Variants in SPTLC2 observed in about 807,000 individuals in gnomAD.
SPTLC2 encodes serine palmitoyltransferase long chain base subunit 2.
Under a neutral mutation model 62.0 loss-of-function variants are expected in SPTLC2, and 21 were observed. That is an observed-to-expected ratio of 0.34 (90% CI 0.24 to 0.49). The LOEUF (loss-of-function observed/expected upper bound fraction) is 0.49. SPTLC2 is among the 20% of genes least tolerant of loss of function. The pLI, the probability that SPTLC2 is intolerant of heterozygous loss-of-function variation, is 0.99. For missense variants in SPTLC2, 511 were observed against 713.0 expected (o/e 0.72, Z 3.23); for synonymous variants, 261 against 261.8 (o/e 1.00, Z 0.03).
intron 1 of SPTLC2, among the ~76,000 whole-genome samples, chr14:77,611,056 G>A (rs886722647): frequency 6.8e-6 from 1 of 146,962 alleles, no homozygotes; most frequent in Non-Finnish European, 1.5e-5. Flanking sequence ...CACTTTGGGA[G>A]ACTGAGGCAG....
intron 9 of SPTLC2, among the ~76,000 whole-genome samples, chr14:77,526,413 A>G (rs1216818046): frequency 6.6e-6 from 1 of 152,250 alleles, no homozygotes; most frequent in Admixed American, 6.5e-5. Flanking sequence ...ATGGAAATAT[A>G]AAGAGGTCAG....
chr14:77,606,520 T>C (rs1427019192), intron 1 of SPTLC2, among the ~76,000 whole-genome samples: 1 of 152,076 alleles, frequency 6.6e-6, no homozygotes, highest in East Asian at 1.9e-4. Flanking sequence ...AAGTGGAGAT[T>C]TCTCATGTTC....
At chr14:77,566,327 C>G (rs1231761636) in intron 5 of SPTLC2, among the ~76,000 whole-genome samples, 1 of 152,138 alleles carries the variant, frequency 6.6e-6, no homozygotes, top group East Asian at 1.9e-4. Context: ...CTTAATGTTT[C>G]AGGTATCATG....
intron 2 of SPTLC2, among the ~76,000 whole-genome samples, chr14:77,596,100 G>A (rs1197871544): frequency 6.6e-6 from 1 of 152,150 alleles, no homozygotes; most frequent in African/African-American, 2.4e-5. Context: ...CACTTTGGGA[G>A]GCCGAGGTGG....
chr14:77,521,637 A>C, intron 9 of SPTLC2, 56 bp from the exon 10 acceptor site: 3 of 1,513,122 alleles, frequency 2.0e-6, no homozygotes, highest in Non-Finnish European at 2.7e-6. Flanking sequence ...GGAATGGAAA[A>C]AAGACAGTAA....
chr14:77,580,475 A>C (rs10149237), intron 2 of SPTLC2, among the ~76,000 whole-genome samples: 60,813 of 139,242 alleles, frequency 0.44, 14,061 homozygotes, highest in Non-Finnish European at 0.51. Flanking sequence ...GAGACTCCAT[A>C]TCAAAAAAAA....
intron 5 of SPTLC2, among the ~76,000 whole-genome samples, chr14:77,568,682 C>T (rs1407845444): frequency 6.6e-6 from 1 of 151,934 alleles, no homozygotes; most frequent in Non-Finnish European, 1.5e-5. Context: ...GTGGTGGGCG[C>T]CTGTAGTCCC....
intron 11 of SPTLC2, 41 bp from the exon 12 acceptor site, chr14:77,512,444 T>A (rs756535379): frequency 1.9e-6 from 3 of 1,614,056 alleles, no homozygotes; most frequent in Middle Eastern, 1.6e-4. Context: ...TCAGAGCCAG[T>A]AGGATGCAGG....
At chr14:77,612,953 T>C (rs770538615) in intron 1 of SPTLC2, among the ~76,000 whole-genome samples, 4 of 152,334 alleles carry the variant, frequency 2.6e-5, no homozygotes, top group Non-Finnish European at 5.9e-5. Flanking sequence ...CTTTTTTTCT[T>C]TCACACTTAT....
At chr14:77,570,873 G>C (rs1050784245) in intron 4 of SPTLC2, among the ~76,000 whole-genome samples, 2 of 141,970 alleles carry the variant, frequency 1.4e-5, no homozygotes, top group African/African-American at 5.0e-5. Context: ...CAATCTAACT[G>C]GCCTGTTGCA....
chr14:77,599,802 TAAC>T (rs1393844179), intron 1 of SPTLC2, among the ~76,000 whole-genome samples: 1 of 152,120 alleles, frequency 6.6e-6, no homozygotes, highest in African/African-American at 2.4e-5. Context: ...ATTAACAACA[TAAC>T]AATATAAAAA....
At chr14:77,535,107 AGT>A (rs2079462521) in intron 9 of SPTLC2, among the ~76,000 whole-genome samples, 2 of 152,116 alleles carry the variant, frequency 1.3e-5, no homozygotes, top group Non-Finnish European at 2.9e-5. Context: ...TTGTATTTTC[AGT>A]AGAGACAGGG....
chr14:77,561,438 C>T (rs370680871), intron 6 of SPTLC2, among the ~76,000 whole-genome samples: 2 of 152,032 alleles, frequency 1.3e-5, no homozygotes, highest in East Asian at 1.9e-4. Context: ...AGTGAAACTC[C>T]GTCCCTACTA....
intron 1 of SPTLC2, among the ~76,000 whole-genome samples, chr14:77,609,974 C>T (rs2079926438): frequency 6.6e-6 from 1 of 152,130 alleles, no homozygotes; most frequent in Non-Finnish European, 1.5e-5. Context: ...AATTACTGGG[C>T]CACATGCTAA....
intron 9 of SPTLC2, among the ~76,000 whole-genome samples, chr14:77,540,196 CTCT>C (rs773609109): frequency 1.1e-4 from 1 of 8,846 alleles, no homozygotes; most frequent in South Asian, 0.017. Flanking sequence ...AAGAGCGAAA[CTCT>C]TGTCTCAAAA....
chr14:77,539,205 A>G (rs2079486138), intron 9 of SPTLC2, among the ~76,000 whole-genome samples: 1 of 151,954 alleles, frequency 6.6e-6, no homozygotes, highest in East Asian at 1.9e-4. Context: ...TTTAAGGCCT[A>G]TTCTTCTATC....
chr14:77,516,054 C>G (rs1480199777), intron 11 of SPTLC2, among the ~76,000 whole-genome samples: 4 of 146,752 alleles, frequency 2.7e-5, no homozygotes, highest in Non-Finnish European at 4.5e-5. Context: ...TTTCTATATA[C>G]AGAATCATGT....
intron 2 of SPTLC2, among the ~76,000 whole-genome samples, chr14:77,596,542 C>G (rs2079848817): frequency 6.7e-6 from 1 of 149,862 alleles, no homozygotes; most frequent in African/African-American, 2.5e-5. Flanking sequence ...AAAAACCCTT[C>G]AGAGGTACAA....
At chr14:77,609,527 G>C (rs1181127923) in intron 1 of SPTLC2, among the ~76,000 whole-genome samples, 1 of 152,180 alleles carries the variant, frequency 6.6e-6, no homozygotes, top group African/African-American at 2.4e-5. Context: ...ACTTAGGTCA[G>C]GAGTCTGAGA....
Sources: allele counts gnomAD v4.1 joint callset (sites outside exome capture counted in the v4.1 genomes callset), GRCh38; gene constraint gnomAD v4.1.1; transcripts MANE v1.5; gene names NCBI Gene and HGNC (gene_info 2026-07-23, HGNC 2026-07-21).